The following SLC11A2 variants were observed in gnomAD, a reference collection of about 807,000 sequenced individuals.
SLC11A2 encodes natural resistance-associated macrophage protein 2.
A neutral mutation model predicts 68.0 loss-of-function variants in SLC11A2; 38 were observed. That is an observed-to-expected ratio of 0.56 (90% CI 0.43 to 0.73). The LOEUF (loss-of-function observed/expected upper bound fraction) is 0.73. Among genes scored for constraint, SLC11A2 ranks in the 30% least tolerant of loss-of-function variants. The pLI, the probability that SLC11A2 is intolerant of heterozygous loss-of-function variation, is 0.00. For missense variants in SLC11A2, 517 were observed against 690.5 expected (o/e 0.75, Z 2.82); for synonymous variants, 242 against 250.6 (o/e 0.97, Z 0.32).
At chr12:50,994,652 C>A (rs759381239) in intron 10 of SLC11A2, 22 bp from the exon 11 acceptor site, 2 of 1,496,732 alleles carry the variant, frequency 1.3e-6, no homozygotes, top group Non-Finnish European at 1.9e-6. Flanking sequence ...AGCAATTCAA[C>A]AGCAACTTTT....
In SLC11A2 at chr12:51,023,315, C is replaced by T. The variant is rs979639507; in HGVS notation, c.-39+2995G>A. 8.9e-4 allele frequency among the ~76,000 whole-genome samples: 135 copies of T among 152,120 alleles called. 1 individual carries two copies. The highest frequency in any genetic ancestry group is 3.2e-3 in the African/African-American group (132 of 41,414). ...ATTAAAAATTAGCTGAGCATGGTGG[C>T]GCAAGCCTGTAGTCCCAGCAACTCA... On this transcript the variant is annotated intron_variant, in intron 1 of 15. Transcript: ENST00000262052.
At chr12:50,968,092 T>G in the SLC11A2 span, among the ~76,000 whole-genome samples, 472 of 146,390 alleles carry the variant, frequency 3.2e-3, 1 homozygote, top group African/African-American at 0.01. Flanking sequence ...TCTCAAATAA[T>G]AAGAAGAAGA....
chr12:50,964,799 T>G, the SLC11A2 span, among the ~76,000 whole-genome samples: 117 of 152,254 alleles, frequency 7.7e-4, 1 homozygote, highest in Non-Finnish European at 1.3e-3. Context: ...TGATTAAGTT[T>G]ATAGGAATAG....
chr12:51,008,416 T>A, intron 3 of SLC11A2, 60 bp downstream of exon 3: 1 of 1,457,692 alleles, frequency 6.9e-7, no homozygotes, highest in Non-Finnish European at 9.6e-7. Flanking sequence ...ATCCAGCAGA[T>A]CTTTCACTCA....
downstream of SLC11A2, chr12:50,981,542 G>C (rs1181489613): frequency 1.8e-6 from 1 of 556,792 alleles, no homozygotes; most frequent in African/African-American, 1.9e-5. Flanking sequence ...TTATGAGGTG[G>C]GTGGGTCTCT....
chr12:50,994,441 A>G, intron 11 of SLC11A2, 103 bp downstream of exon 11: 1 of 779,470 alleles, frequency 1.3e-6, no homozygotes, highest in Non-Finnish European at 2.3e-6. Context: ...ATGACACTCC[A>G]GAGGAGATAT....
intron 1 of SLC11A2, among the ~76,000 whole-genome samples, chr12:51,014,838 G>A (rs927421327): frequency 1.3e-5 from 2 of 151,986 alleles, no homozygotes; most frequent in African/African-American, 4.8e-5. Flanking sequence ...GGGCGACAGA[G>A]TAAAACTCTG....
chr12:50,993,274 A>G, intron 11 of SLC11A2: 2 of 282,732 alleles, frequency 7.1e-6, no homozygotes, highest in South Asian at 9.0e-5. Context: ...AAATGGCAAT[A>G]GAAGTACAGG....
At chr12:50,969,239 A>G in the SLC11A2 span, among the ~76,000 whole-genome samples, 1 of 152,058 alleles carries the variant, frequency 6.6e-6, no homozygotes, top group South Asian at 2.1e-4. Context: ...GGCTGCAGTG[A>G]GCCAAGATCA....
chr12:51,000,093 G>A (rs534022357), intron 6 of SLC11A2, among the ~76,000 whole-genome samples: 13 of 152,124 alleles, frequency 8.5e-5, no homozygotes, highest in East Asian at 1.9e-4. Context: ...GATACAAAAC[G>A]CCACACATTC....
chr12:51,028,289 C>T (rs552857735), upstream of SLC11A2: 1 of 1,320,966 alleles, frequency 7.6e-7, no homozygotes, highest in African/African-American at 1.5e-5. Context: ...GACAAGTGCG[C>T]CTCCCTCAGT....
intron 8 of SLC11A2, 107 bp from the exon 9 acceptor site, chr12:50,997,079 T>C: frequency 1.1e-6 from 1 of 891,604 alleles, no homozygotes; most frequent in Non-Finnish European, 1.9e-6. Context: ...GCCTTCTTCC[T>C]TATTTTTATA....
the SLC11A2 span, among the ~76,000 whole-genome samples, chr12:50,958,174 G>A: frequency 2.0e-5 from 3 of 151,910 alleles, no homozygotes; most frequent in Non-Finnish European, 2.9e-5. Context: ...TTATCTACAG[G>A]CTTAATGTAA....
intron 12 of SLC11A2, 130 bp from the exon 13 acceptor site, chr12:50,992,469 G>C (rs534074922): frequency 1.2e-6 from 1 of 839,536 alleles, no homozygotes; most frequent in East Asian, 2.7e-5. Context: ...AGTGGCTCAC[G>C]CCTGTAATCC....
intron 8 of SLC11A2, 27 bp downstream of exon 8, chr12:50,999,147 A>C: frequency 6.5e-7 from 1 of 1,543,770 alleles, no homozygotes; most frequent in Non-Finnish European, 8.9e-7. Context: ...TATTTTAAGA[A>C]GCTAATGAAT....
chr12:51,006,824 AACT>A (rs1942769763), intron 3 of SLC11A2, among the ~76,000 whole-genome samples: 1 of 151,974 alleles, frequency 6.6e-6, no homozygotes, highest in East Asian at 1.9e-4. Flanking sequence ...GCTGGTCTTG[AACT>A]CCTGGGCTTA....
the SLC11A2 span, among the ~76,000 whole-genome samples, chr12:50,957,714 A>G: frequency 1.3e-5 from 2 of 151,454 alleles, no homozygotes; most frequent in African/African-American, 4.8e-5. Context: ...GCAAAACCCC[A>G]TGTCTACTAA....
chr12:51,013,655 G>C (rs1232058578), intron 1 of SLC11A2, among the ~76,000 whole-genome samples: 2 of 151,724 alleles, frequency 1.3e-5, no homozygotes, highest in Non-Finnish European at 2.9e-5. Flanking sequence ...TAGGAGAACT[G>C]CTTGAGCCCT....
intron 3 of SLC11A2, among the ~76,000 whole-genome samples, chr12:51,006,492 C>A (rs1253900274): frequency 6.6e-6 from 1 of 152,206 alleles, no homozygotes; most frequent in Non-Finnish European, 1.5e-5. Flanking sequence ...AATGACCCTG[C>A]AAAGCTGTCT....
Sources: allele counts gnomAD v4.1 joint callset (sites outside exome capture counted in the v4.1 genomes callset), GRCh38; gene constraint gnomAD v4.1.1; transcripts MANE v1.5; gene names NCBI Gene and HGNC (gene_info 2026-07-23, HGNC 2026-07-21).